The following ZNF831 variants were observed in gnomAD, a reference collection of about 807,000 sequenced individuals.
The protein encoded by ZNF831 is chromosome 20 open reading frame 174.
Under a neutral mutation model 95.8 loss-of-function variants are expected in ZNF831, and 59 were observed. The ratio of observed to expected loss-of-function variants is 0.62; its 90% confidence interval spans 0.50 to 0.77. The LOEUF (loss-of-function observed/expected upper bound fraction) is 0.77. Among genes scored for constraint, ZNF831 ranks in the 30% least tolerant of loss-of-function variants. The pLI, the probability that ZNF831 is intolerant of heterozygous loss-of-function variation, is 0.00. For missense variants in ZNF831, 2,205 were observed against 2,164.0 expected (o/e 1.02, Z -0.38); for synonymous variants, 961 against 925.5 (o/e 1.04, Z -0.70).
intron 4 of ZNF831, among the ~76,000 whole-genome samples, chr20:59,237,898 C>T (rs1249136221): frequency 6.6e-6 from 1 of 152,202 alleles, no homozygotes; most frequent in African/African-American, 2.4e-5. Context: ...TGCCCTGCTT[C>T]CTCTTCCACC....
chr20:59,199,147 G>T lies in ZNF831; in HGVS notation c.3875+3142G>T, dbSNP rs533986877. On this transcript the variant is annotated intron_variant, in intron 3 of 5. Coordinates refer to ENST00000371030, the MANE Select transcript of ZNF831 (RefSeq NM_178457.3). ...TCTATCTATCTATCACGTAACCCTT[G>T]TGTTCTCTCCTCAAGAAGGAAGCCT... is the stretch of plus-strand genomic sequence containing the variant. Among the ~76,000 whole-genome samples the T allele has an allele frequency of 2.6e-4, 38 of 143,526 alleles. 1 individual carries two copies. In the Admixed American group the frequency reaches 2.6e-3, roughly 10 times the overall value. 94.2% of individuals were successfully genotyped at this position (143,526 alleles called of 152,430 possible).
At chr20:59,137,382 A>G (rs1338296964) in intron 1 of ZNF831, among the ~76,000 whole-genome samples, 1 of 152,022 alleles carries the variant, frequency 6.6e-6, no homozygotes, top group Non-Finnish European at 1.5e-5. Context: ...CTGTTCACCA[A>G]TGATGTCAGG....
rs373682660 is a variant in ZNF831 at position 59,206,999 on chromosome 20, G to A, written c.3970G>A (p.Ala1324Thr). 19 of 1,614,048 alleles carry A rather than the reference G, an allele frequency of 1.2e-5. No homozygotes were observed. The highest frequency in any genetic ancestry group is 1.4e-5 in the Non-Finnish European group (17 of 1,180,026). Residue 1324 changes from alanine (A) to threonine (T), a missense_variant, in exon 4 of 6, where the codon GCA becomes ACA. Physicochemically the swap from Ala to Thr is moderately conservative, Grantham distance 58. Coordinates refer to ENST00000371030, the MANE Select transcript of ZNF831 (RefSeq NM_178457.3). ...WVRRRSRHPP[A>T]LEGLKPCRTP... ...GCGAAGAAGAAGCCGCCACCCTCCC[G>A]CACTTGAGGGACTGAAGCCATGCAG... is the stretch of plus-strand genomic sequence containing the variant.
At chr20:59,243,979 A>G (rs1987466907) in intron 4 of ZNF831, among the ~76,000 whole-genome samples, 1 of 152,094 alleles carries the variant, frequency 6.6e-6, no homozygotes, top group African/African-American at 2.4e-5. Flanking sequence ...CTTCCTCACA[A>G]TTTATCCTCT....
rs138366888 is a variant in ZNF831, at chr20:59,243,428, G to T, written c.4028-9550G>T. On this transcript the variant is annotated intron_variant, in intron 4 of 5. Coordinates refer to ENST00000371030, the MANE Select transcript of ZNF831 (RefSeq NM_178457.3). ...CGTAATTCTCTGAAATCAAGTAGAT[G>T]AGAGTTATTTCTTCTTTTTATCCTT... Among the ~76,000 whole-genome samples the T allele has an allele frequency of 6.0e-3, 917 of 152,328 alleles. 5 individuals are homozygous for T. Among genetic ancestry groups the T allele is most frequent in the African/African-American group, 0.021 (859 of 41,568 alleles).
chr20:59,150,697 G>T (rs980208729), intron 2 of ZNF831, among the ~76,000 whole-genome samples: 1 of 152,244 alleles, frequency 6.6e-6, no homozygotes, highest in East Asian at 1.9e-4. Context: ...AGTACTCCGC[G>T]CCAGCACACG....
At chr20:59,207,124 G>A in intron 4 of ZNF831, 68 bp downstream of exon 4, 4 of 1,566,960 alleles carry the variant, frequency 2.6e-6, no homozygotes, top group Non-Finnish European at 3.5e-6. Context: ...CATAGACACT[G>A]GGGATTTGGG....
chr20:59,169,115 G>A lies in ZNF831; in HGVS notation c.-37+4908G>A, dbSNP rs756314247. Among the ~76,000 whole-genome samples, 8 of 152,160 alleles carry A rather than the reference G, an allele frequency of 5.3e-5. No homozygotes were observed. Among genetic ancestry groups the A allele is most frequent in the East Asian group, 3.8e-4 (2 of 5,198 alleles). On this transcript the variant is annotated intron_variant, in intron 1 of 5. Transcript: ENST00000371030. The surrounding 1 kb of genome is among the most constrained non-coding windows in gnomAD (Gnocchi z 4.1). ...TTTTCTGTTTTCCGGATAAAGTTGC[G>A]TCGAATTTGTGTTAATTCTTCTTTT...
Position 59,257,778 on chromosome 20 carries a change from C to T in ZNF831, c.*3035C>T. 6.6e-6 allele frequency: 1 copy of T among 152,170 alleles called. No individual in the cohort carries two copies. The highest frequency in any genetic ancestry group is 1.9e-4 in the East Asian group (1 of 5,198). 9.4% of individuals were successfully genotyped at this position (152,170 alleles called of 1,614,324 possible). On this transcript the variant is annotated 3_prime_UTR_variant, in exon 6 of 6. Transcript: ENST00000371030. ...TCTTAACCAACTGATGCCTCAGTTT[C>T]TTCCACAGAGAATAGTTAGAGGGAT... is the stretch of plus-strand genomic sequence containing the variant.
At chr20:59,161,588 T>A (rs1187483957), upstream of ZNF831, among the ~76,000 whole-genome samples, 1 of 152,216 alleles carries the variant, frequency 6.6e-6, no homozygotes, top group Admixed American at 6.5e-5. Flanking sequence ...CATGGATACA[T>A]GATTTTATTA....
chr20:59,134,278 A>G (rs1259528183), intron 1 of ZNF831, among the ~76,000 whole-genome samples: 1 of 152,088 alleles, frequency 6.6e-6, no homozygotes, highest in Non-Finnish European at 1.5e-5. Flanking sequence ...CCCTCTATCC[A>G]CGGTGATCTT....
intron 4 of ZNF831, among the ~76,000 whole-genome samples, chr20:59,212,582 T>C (rs1985417363): frequency 6.6e-6 from 1 of 152,196 alleles, no homozygotes; most frequent in Non-Finnish European, 1.5e-5. Flanking sequence ...TTGCATTTGC[T>C]TTAGGATCAG....
At chr20:59,156,691 G>A (rs1980561909) in intron 2 of ZNF831, among the ~76,000 whole-genome samples, 1 of 152,092 alleles carries the variant, frequency 6.6e-6, no homozygotes, top group Admixed American at 6.5e-5. Context: ...ACTCCCTGGT[G>A]ATCACCGCTG....
chr20:59,233,012 A>G (rs1398641617), intron 4 of ZNF831, among the ~76,000 whole-genome samples: 1 of 147,010 alleles, frequency 6.8e-6, no homozygotes, highest in Non-Finnish European at 1.5e-5. Context: ...ACACACACAC[A>G]CACACACACA....
At chr20:59,149,095 G>A (rs889210604) in intron 2 of ZNF831, among the ~76,000 whole-genome samples, 12 of 152,188 alleles carry the variant, frequency 7.9e-5, no homozygotes, top group African/African-American at 2.7e-4. Context: ...TGAATAGGAT[G>A]GGTGCCCATC....
chr20:59,188,330 T>A (rs1049524321), intron 1 of ZNF831, among the ~76,000 whole-genome samples: 1 of 152,226 alleles, frequency 6.6e-6, no homozygotes, highest in Non-Finnish European at 1.5e-5. Flanking sequence ...CTTATTAGTT[T>A]ATTATTATTA....
At chr20:59,153,849 A>G (rs1980386737) in intron 2 of ZNF831, among the ~76,000 whole-genome samples, 2 of 152,244 alleles carry the variant, frequency 1.3e-5, no homozygotes, top group South Asian at 4.1e-4. Flanking sequence ...AGCTGGGCTA[A>G]GAAAGAGAAA....
At chr20:59,137,492 A>C (rs1402299559) in intron 1 of ZNF831, among the ~76,000 whole-genome samples, 3 of 152,122 alleles carry the variant, frequency 2.0e-5, no homozygotes, top group African/African-American at 2.4e-5. Flanking sequence ...TGGTGGCTCA[A>C]ACTTTATGGG....
Position 59,193,649 on chromosome 20 carries a change from G to A in ZNF831, c.2630G>A (p.Gly877Asp), listed in dbSNP as rs200405760. 5 of 1,612,746 alleles carry A rather than the reference G, an allele frequency of 3.1e-6. No homozygotes were observed. The South Asian group carries it at 5.5e-5, about 18-fold the overall frequency. ...TCAAAGGAGAGTGCCAGGCAGGTGG[G>A]CGAGCCTCTGGAGTCCTCTGGAGCC... ...GGSKESARQVGEPLESSGASL... is the reference protein window; with the variant it reads ...GGSKESARQVDEPLESSGASL... The change falls in exon 2 of 6, where the codon GGC (glycine) becomes GAC (aspartate). Residue 877 changes from glycine to aspartate, a missense_variant. By Grantham distance (94) the Gly-to-Asp change is moderately conservative. Coordinates refer to ENST00000371030, the MANE Select transcript of ZNF831 (RefSeq NM_178457.3).
Sources: allele counts gnomAD v4.1 joint callset (sites outside exome capture counted in the v4.1 genomes callset), GRCh38; gene constraint gnomAD v4.1.1; non-coding constraint Gnocchi (gnomAD v3.1); transcripts MANE v1.5; gene names NCBI Gene and HGNC (gene_info 2026-07-23, HGNC 2026-07-21).